The following PRKAG1 variants were observed in gnomAD, a reference collection of about 807,000 sequenced individuals.
PRKAG1 encodes 5'-AMP-activated protein kinase subunit gamma-1.
Under a neutral mutation model 48.2 loss-of-function variants are expected in PRKAG1, and 27 were observed. That is an observed-to-expected ratio of 0.56 (90% CI 0.41 to 0.77). The LOEUF (loss-of-function observed/expected upper bound fraction) is 0.77. PRKAG1 is among the 30% of genes least tolerant of loss of function. PRKAG1 has a pLI of 0.00. For missense variants in PRKAG1, 287 were observed against 398.3 expected, an observed-to-expected ratio of 0.72 and a Z score of 2.38; for synonymous variants, 130 against 147.7, an observed-to-expected ratio of 0.88 and a Z score of 0.87.
At chr12:49,015,197 TGATAAA>T (rs1368563417) in intron 1 of PRKAG1, among the ~76,000 whole-genome samples, 8 of 152,082 alleles carry the variant, frequency 5.3e-5, no homozygotes, top group African/African-American at 1.4e-4. Flanking sequence ...GAGAGGGCTG[TGATAAA>T]GATAGACACA....
At chr12:49,004,351 C>G in intron 8 of PRKAG1, 156 bp downstream of exon 8, 1 of 917,020 alleles carries the variant, frequency 1.1e-6, no homozygotes, top group Non-Finnish European at 1.7e-6. Context: ...CACCTGTAAT[C>G]CTAGCACTTT....
intron 1 of PRKAG1, chr12:49,017,226 G>A: frequency 2.2e-6 from 1 of 455,650 alleles, no homozygotes; most frequent in Non-Finnish European, 4.4e-6. Flanking sequence ...TTGGAGACAG[G>A]ATCTCACTGT....
intron 2 of PRKAG1, among the ~76,000 whole-genome samples, chr12:49,006,499 A>C (rs1048693277): frequency 5.3e-5 from 8 of 152,250 alleles, no homozygotes; most frequent in African/African-American, 1.4e-4. Flanking sequence ...CTGATAGTCC[A>C]TTCTGGGATC....
At chr12:49,013,019 G>A (rs1431147117) in intron 2 of PRKAG1, 43 bp downstream of exon 2, 1 of 1,544,242 alleles carries the variant, frequency 6.5e-7, no homozygotes, top group Non-Finnish European at 9.0e-7. Flanking sequence ...TTAGGGTCAG[G>A]CTATTGTTTT....
intron 2 of PRKAG1, among the ~76,000 whole-genome samples, chr12:49,006,891 C>T (rs1010796085): frequency 5.3e-5 from 8 of 151,880 alleles, no homozygotes; most frequent in Admixed American, 4.6e-4. Context: ...ATTGCTTGAA[C>T]CCGGGAGGCA....
rs773664936 is a variant in PRKAG1, at chr12:49,004,934, T to C, written c.410+30A>G. On this transcript the variant is annotated intron_variant, in intron 7 of 11. Transcript: ENST00000548065. ...AGGCTGATGACAAAATCTCTTCCGC[T>C]TTTTGGACAGATGGGTAACTGGAAC... 11 of 1,611,162 alleles carry C rather than the reference T, an allele frequency of 6.8e-6. No homozygotes were observed. In the South Asian group the frequency reaches 1.2e-4, roughly 18 times the overall value.
Position 49,005,846 on chromosome 12 carries a change from G to A in PRKAG1, c.65C>T (p.Pro22Leu), listed in dbSNP as rs1464201495. ...AGTATACACGCTATTGTTGGATTCT[G>A]GGGTCTCTGCATAGGGTGGGATAGT... ...AVENEHPQET[P>L]ESNNSVYTSF... Residue 22 changes from proline to leucine, a missense_variant, in exon 3 of 12, where the codon CCA (proline) becomes CTA (leucine). Transcript: ENST00000548065. This position sits in a 1 kb window ranked among gnomAD's most constrained non-coding sequence, Gnocchi z 4.1. 1.9e-6 allele frequency: 3 copies of A among 1,603,054 alleles called. No individual in the cohort carries two copies. Among genetic ancestry groups the A allele is most frequent in the South Asian group, 2.2e-5 (2 of 89,642 alleles).
intron 2 of PRKAG1, among the ~76,000 whole-genome samples, chr12:49,006,651 C>T (rs753694003): frequency 3.3e-5 from 5 of 152,200 alleles, no homozygotes; most frequent in Non-Finnish European, 7.3e-5. Context: ...GAATGTGCTA[C>T]ATACTATACT....
chr12:49,014,206 T>C (rs1941878094), intron 1 of PRKAG1, among the ~76,000 whole-genome samples: 1 of 152,230 alleles, frequency 6.6e-6, no homozygotes, highest in Non-Finnish European at 1.5e-5. Context: ...TTTTTGAATG[T>C]ATTTACTCCA....
rs1941341872 is a variant in PRKAG1 at position 49,002,833 on chromosome 12, C to A, written c.*66G>T. ...ATTCCCTCAAGTTTCATCTGATTCC[C>A]ACAGAGCTTCCAGCAGGCAGTGAGT... On this transcript the variant is annotated 3_prime_UTR_variant, in exon 12 of 12. Transcript: ENST00000548065. The A allele has an allele frequency of 2.1e-6, 3 of 1,447,362 alleles. No homozygotes were observed. The highest frequency in any genetic ancestry group is 2.3e-5 in the East Asian group (1 of 42,988). The allele number at this position is 1,447,362 out of a possible 1,614,324, so 89.7% of individuals were successfully genotyped here.
intron 1 of PRKAG1, among the ~76,000 whole-genome samples, chr12:49,014,510 G>C (rs889627995): frequency 6.6e-6 from 1 of 152,252 alleles, no homozygotes; most frequent in African/African-American, 2.4e-5. Flanking sequence ...ACTAGGCATA[G>C]TTGTAGGCAC....
intron 2 of PRKAG1, among the ~76,000 whole-genome samples, chr12:49,012,090 T>A (rs1375696802): frequency 6.6e-6 from 1 of 151,744 alleles, no homozygotes; most frequent in African/African-American, 2.4e-5. Flanking sequence ...CTTCTGACCT[T>A]AGGTGATCCA....
chr12:49,016,271 A>C (rs934657067), intron 1 of PRKAG1, among the ~76,000 whole-genome samples: 3 of 152,214 alleles, frequency 2.0e-5, no homozygotes, highest in Non-Finnish European at 4.4e-5. Context: ...AAGGGACCTG[A>C]GAAAGTACCA....
chr12:49,003,166 A>T lies in PRKAG1; in HGVS notation c.866T>A (p.Ile289Asn), dbSNP rs1400938620. ...TACCTCTGCTTCCACTAGCCTGTTGATGATGGTCTCCAGAGTCTCATGCAG... is the reference window on the plus strand; with the variant it reads ...TACCTCTGCTTCCACTAGCCTGTTGTTGATGGTCTCCAGAGTCTCATGCAG... ...CYLHETLETI[I>N]NRLVEAEVHR... Residue 289 changes from isoleucine to asparagine, a missense_variant, in exon 11 of 12, where the codon ATC (isoleucine) becomes AAC (asparagine). Coordinates refer to ENST00000548065, the MANE Select transcript of PRKAG1 (RefSeq NM_002733.5). 6.2e-7 allele frequency: 1 copy of T among 1,614,054 alleles called. No individual in the cohort carries two copies. Among genetic ancestry groups the T allele is most frequent in the Non-Finnish European group, 8.5e-7 (1 of 1,180,038 alleles).
chr12:49,005,484 A>G lies in PRKAG1; in HGVS notation c.228T>C (p.Asp76=), dbSNP rs371515098. The G allele has an allele frequency of 2.3e-5, 37 of 1,614,066 alleles. No individual in the cohort carries two copies. Among genetic ancestry groups the G allele is most frequent in the Non-Finnish European group, 3.1e-5 (36 of 1,180,030 alleles). Residue 76 remains aspartate, a synonymous_variant, in exon 4 of 12, where the codon GAT becomes GAC. Coordinates refer to ENST00000548065, the MANE Select transcript of PRKAG1 (RefSeq NM_002733.5). The surrounding 1 kb of genome is among the most constrained non-coding windows in gnomAD (Gnocchi z 4.1). ...TACCCACAAAACTTTGCTTCTTACTATCCCATAAAGGGGCAGCTCGTACAC... is the reference window on the plus strand; with the variant it reads ...TACCCACAAAACTTTGCTTCTTACTGTCCCATAAAGGGGCAGCTCGTACAC... ...TNGVRAAPLW[D]SKKQSFVGML...
intron 1 of PRKAG1, chr12:49,017,556 C>T: frequency 4.7e-6 from 1 of 214,416 alleles, no homozygotes; most frequent in Non-Finnish European, 9.7e-6. Flanking sequence ...AGAGCCTAAT[C>T]CAGTACATAA....
chr12:49,010,743 C>A (rs1199168092), intron 2 of PRKAG1, among the ~76,000 whole-genome samples: 1 of 151,984 alleles, frequency 6.6e-6, no homozygotes, highest in Non-Finnish European at 1.5e-5. Flanking sequence ...TTGCTATTAT[C>A]TCCTCTCCTG....
At chr12:49,015,178 T>C (rs1941914517) in intron 1 of PRKAG1, among the ~76,000 whole-genome samples, 1 of 152,108 alleles carries the variant, frequency 6.6e-6, no homozygotes, top group Non-Finnish European at 1.5e-5. Flanking sequence ...TCATCACTTA[T>C]AAGTGGGAGA....
intron 8 of PRKAG1, 170 bp from the exon 9 acceptor site, chr12:49,004,092 C>A (rs766907020): frequency 1.2e-6 from 1 of 858,752 alleles, no homozygotes; most frequent in Non-Finnish European, 1.7e-6. Flanking sequence ...GAGTTCGAGA[C>A]CAGCCTGGGC....
Sources: gnomAD v4.1 joint callset for allele counts (sites outside exome capture counted in the v4.1 genomes callset) on GRCh38, gnomAD v4.1.1 for gene constraint, Gnocchi (gnomAD v3.1) non-coding constraint, MANE v1.5 for transcripts, NCBI Gene and HGNC (gene_info 2026-07-23, HGNC 2026-07-21) for gene names.